Variants in DGKQ observed in about 807,000 individuals in gnomAD.
DGKQ encodes diacylglycerol kinase theta.
DGKQ carries 97 observed loss-of-function variants against 104.2 expected under a neutral mutation model. The observed-to-expected ratio is 0.93, with a 90% CI of 0.79 to 1.10. The LOEUF (loss-of-function observed/expected upper bound fraction) is 1.10. Among genes scored for constraint, DGKQ ranks in the 50% least tolerant of loss-of-function variants. DGKQ has a pLI of 0.00. For synonymous variants in DGKQ, 736 were observed against 595.2 expected (o/e 1.24, Z -3.44); for missense variants, 1,465 against 1,352.1 (o/e 1.08, Z -1.31).
Position 965,241 on chromosome 4 carries a change from T to A in DGKQ, c.1669A>T (p.Met557Leu). Residue 557 changes from methionine (M) to leucine (L), a missense_variant, in exon 15 of 23, where the codon ATG (methionine) becomes TTG (leucine). Coordinates refer to ENST00000273814, the MANE Select transcript of DGKQ (RefSeq NM_001347.4). ...CGCACAGCCATGTCCTTCAGCAGCA[T>A]GTACAGCCGCTCGGCCTCCGCAAAG... The part of the protein sequence containing the change: ...ACFAEAERLY[M>L]LLKDMAVRGR... 1 of 1,612,636 alleles carries A rather than the reference T, an allele frequency of 6.2e-7. No homozygotes were observed. The highest frequency in any genetic ancestry group is 8.5e-7 in the Non-Finnish European group (1 of 1,179,892).
intron 2 of DGKQ, among the ~76,000 whole-genome samples, chr4:970,639 A>G (rs1712853185): frequency 6.6e-6 from 1 of 152,170 alleles, no homozygotes; most frequent in Non-Finnish European, 1.5e-5. Context: ...AGGTCACGCC[A>G]GATGCCGAAA....
At position 965,162 on chromosome 4, in the gene DGKQ, G is replaced by C. The variant is rs369920009; in HGVS notation, c.1734+14C>G. ...CCTGGGGTGTGTGAAGAGCCGGCTT[G>C]ACCGCACACTCACCAGCAGGTCGGG... is the stretch of plus-strand genomic sequence containing the variant. On this transcript the variant is annotated intron_variant, in intron 15 of 22. Coordinates refer to ENST00000273814, the MANE Select transcript of DGKQ (RefSeq NM_001347.4). 17 of 1,609,920 alleles carry C rather than the reference G, an allele frequency of 1.1e-5. No homozygotes were observed. Among genetic ancestry groups the C allele is most frequent in the African/African-American group, 1.3e-5 (1 of 74,868 alleles).
In DGKQ at chr4:967,249, C is replaced by T. The variant is rs771754537; in HGVS notation, c.1100G>A (p.Ser367Asn). ...CDAWAGGKAG[S>N]AVISEEGRSP... ...TCTGCCCTCCTCCGAGATCACAGCA[C>T]TCCCAGCCTTGCCCCCAGCCCAGGC... Residue 367 changes from serine (S) to asparagine (N), a missense_variant, in exon 9 of 23, where the codon AGT becomes AAT. Transcript: ENST00000273814. 19 of 1,564,208 alleles carry T rather than the reference C, an allele frequency of 1.2e-5. No individual in the cohort carries two copies. Among genetic ancestry groups the T allele is most frequent in the Non-Finnish European group, 1.6e-5 (19 of 1,158,510 alleles).
Position 961,843 on chromosome 4 carries a change from C to G in DGKQ, c.2316-9G>C. The G allele has an allele frequency of 1.8e-5, 29 of 1,592,476 alleles. No individual in the cohort carries two copies. Among genetic ancestry groups the G allele is most frequent in the Non-Finnish European group, 2.5e-5 (29 of 1,168,910 alleles). On this transcript the variant is annotated splice_polypyrimidine_tract_variant and intron_variant, in intron 19 of 22. Coordinates refer to ENST00000273814, the MANE Select transcript of DGKQ (RefSeq NM_001347.4). ...CACCCTTGTTGTGCAGCCTGCAGGA[C>G]GGGGCAGGTCACCCATCACCAGGGG...
intron 15 of DGKQ, among the ~76,000 whole-genome samples, chr4:964,292 C>T (rs556661780): frequency 8.2e-4 from 125 of 152,336 alleles, no homozygotes; most frequent in South Asian, 1.7e-3. Context: ...ACAGACAACT[C>T]ATTCTGCTCG....
chr4:967,102 G>C, intron 9 of DGKQ, 27 bp downstream of exon 9: 1 of 1,555,508 alleles, frequency 6.4e-7, no homozygotes, highest in Non-Finnish European at 8.7e-7. Flanking sequence ...CCGCCCAGCA[G>C]ACCCTGAGCC....
chr4:969,182 C>T (rs942334952), intron 2 of DGKQ, among the ~76,000 whole-genome samples: 6 of 152,126 alleles, frequency 3.9e-5, no homozygotes, highest in Non-Finnish European at 5.9e-5. Flanking sequence ...ACCACACCCC[C>T]GGGTCCTGGG....
rs200908351 is a variant in DGKQ, at chr4:965,158, G to A, written c.1734+18C>T. 29 of 1,608,048 alleles carry A rather than the reference G, an allele frequency of 1.8e-5. No homozygotes were observed. In the East Asian group the frequency reaches 2.0e-4, roughly 11 times the overall value. The stretch of plus-strand genomic sequence containing the variant: ...ACCCCCTGGGGTGTGTGAAGAGCCG[G>A]CTTGACCGCACACTCACCAGCAGGT... On this transcript the variant is annotated intron_variant, in intron 15 of 22. Transcript: ENST00000273814.
At chr4:964,149 G>A (rs895440172) in intron 15 of DGKQ, 8 of 154,694 alleles carry the variant, frequency 5.2e-5, no homozygotes, top group African/African-American at 1.7e-4. Context: ...CCCACAGAGC[G>A]AGTGGAGCTG....
Position 966,013 on chromosome 4 carries a change from G to T in DGKQ, c.1494C>A (p.His498Gln). 1.9e-6 allele frequency: 3 copies of T among 1,605,370 alleles called. No homozygotes were observed. Among genetic ancestry groups the T allele is most frequent in the Non-Finnish European group, 2.5e-6 (3 of 1,176,916 alleles). Residue 498 changes from histidine to glutamine, a missense_variant, in exon 13 of 23, where the codon CAC (histidine) becomes CAA (glutamine). Physicochemically the swap from His to Gln is conservative, Grantham distance 24. Coordinates refer to ENST00000273814, the MANE Select transcript of DGKQ (RefSeq NM_001347.4). ...YVAESRDVAP[H>Q]VSLFVGGLPP... ...GCAGGCCGCCAACAAACAGGGAGAC[G>T]TGCGGGGCTACATCCCTGCTCTCTG...
rs866960139 is a variant in DGKQ at position 973,519 on chromosome 4, G to T, written c.-37C>A. The T allele has an allele frequency of 4.2e-4, 416 of 985,894 alleles. 3 individuals are homozygous for T. The African/African-American group carries it at 6.7e-3, about 16-fold the overall frequency. The allele number at this position is 985,894 out of a possible 1,614,324, so 61.1% of individuals were successfully genotyped here. ...GCGGCCCGAGCCCCTTTAGGTCCGC[G>T]CCGGGGGTACAGGAGCCGCCGCTCC... is the stretch of plus-strand genomic sequence containing the variant. On this transcript the variant is annotated 5_prime_UTR_variant, in exon 1 of 23. Coordinates refer to ENST00000273814, the MANE Select transcript of DGKQ (RefSeq NM_001347.4).
rs1713098322 is a variant in DGKQ at position 973,392 on chromosome 4, A to G, written c.91T>C (p.Ser31Pro). The G allele has an allele frequency of 3.7e-6, 4 of 1,068,602 alleles. No homozygotes were observed. The highest frequency in any genetic ancestry group is 4.3e-5 in the South Asian group (1 of 23,134). 66.2% of individuals were successfully genotyped at this position (1,068,602 alleles called of 1,614,324 possible). A position where few individuals can be genotyped will look rare whatever the true frequency, so the allele number is the denominator to read the frequency against. The change falls in exon 1 of 23, where the codon TCA becomes CCA. Residue 31 changes from serine (S) to proline (P), a missense_variant. Transcript: ENST00000273814. ...GGCCCCGGGCGCGCGCGGCCTCCTG[A>G]GCCCAGCACGGGGCTGCAGGCCGGG... ...GSPACSPVLGSGGRARPGPGP... is the reference protein window; with the variant it reads ...GSPACSPVLGPGGRARPGPGP...
Position 971,513 on chromosome 4 carries a change from GTGCTGT to G in DGKQ, c.272-447_272-442del, listed in dbSNP as rs1712931401. Among the ~76,000 whole-genome samples, 4 of 152,306 alleles carry G rather than the reference GTGCTGT, an allele frequency of 2.6e-5. No individual in the cohort carries two copies. The highest frequency in any genetic ancestry group is 2.6e-4 in the Admixed American group (4 of 15,306). On this transcript the variant is annotated intron_variant, in intron 1 of 22. Transcript: ENST00000273814. The surrounding 1 kb of genome is among the most constrained non-coding windows in gnomAD (Gnocchi z 4.0). ...GCATACCCCTAATTGTCCCTGCTAC[GTGCTGT>G]GCACCGTGCCTGAGACCGAGAGCCA...
rs769587311 is a variant in DGKQ at position 960,679 on chromosome 4, C to T, written c.2770G>A (p.Gly924Arg). ...RKAKQKPRRA[G>R]TTRDARADAA... ...TCCGCCCGGGCATCCCTGGTGGTCC[C>T]GGCCCTCCTCGGCTTCTGCTTGGCC... Residue 924 changes from glycine (G) to arginine (R), a missense_variant, in exon 23 of 23, where the codon GGG (glycine) becomes AGG (arginine). Transcript: ENST00000273814. 6.1e-5 allele frequency: 98 copies of T among 1,612,148 alleles called. No homozygotes were observed. In the South Asian group the frequency reaches 7.8e-4, roughly 13 times the overall value.
intron 14 of DGKQ, 75 bp from the exon 15 acceptor site, chr4:965,366 G>A (rs1712225439): frequency 1.9e-6 from 3 of 1,567,260 alleles, no homozygotes; most frequent in African/African-American, 1.4e-5. Flanking sequence ...ACCAAACCAG[G>A]ACGTTTCCCC....
chr4:973,396 C>T lies in DGKQ; in HGVS notation c.87G>A (p.Leu29=). Residue 29 remains leucine (L), a synonymous_variant, in exon 1 of 23, where the codon CTG becomes CTA. Transcript: ENST00000273814. ...CCGGGCGCGCGCGGCCTCCTGAGCC[C>T]AGCACGGGGCTGCAGGCCGGGCTGC... ...RPGSPACSPV[L]GSGGRARPGP... The T allele has an allele frequency of 9.6e-7, 1 of 1,046,012 alleles. No homozygotes were observed. Among genetic ancestry groups the T allele is most frequent in the Non-Finnish European group, 1.1e-6 (1 of 871,268 alleles). The allele number at this position is 1,046,012 out of a possible 1,614,324, so 64.8% of individuals were successfully genotyped here.
rs372309550 is a variant in DGKQ, at chr4:967,728, C to T, written c.886G>A (p.Gly296Arg). The T allele has an allele frequency of 4.3e-6, 7 of 1,611,142 alleles. No homozygotes were observed. Among genetic ancestry groups the T allele is most frequent in the Middle Eastern group, 1.7e-4 (1 of 6,050 alleles). Residue 296 changes from glycine to arginine, a missense_variant and splice_region_variant, in exon 7 of 23, where the codon GGG becomes AGG. Physicochemically the swap from Gly to Arg is moderately radical, Grantham distance 125. Transcript: ENST00000273814. ...GRETQATPES[G>R]KQTLKIFDGD... ...TGGGGGGAATGAGGCGGGCACTTAC[C>T]GGACTCCGGAGTTGCCTGTGTCTCT...
At position 963,184 on chromosome 4, in the gene DGKQ, T is replaced by A; in HGVS notation, c.1841A>T (p.Asn614Ile). 1.2e-6 allele frequency: 2 copies of A among 1,610,864 alleles called. No homozygotes were observed. The highest frequency in any genetic ancestry group is 1.7e-6 in the Non-Finnish European group (2 of 1,178,404). ...DLLCSFRKLL[N>I]PHQVFDLTNG... ...GGTCAGGTCGAAGACCTGATGAGGG[T>A]TCAGTAGCTTCCGGAAGCTGCAGAG... Residue 614 changes from asparagine to isoleucine, a missense_variant, in exon 16 of 23, where the codon AAC becomes ATC. Transcript: ENST00000273814.
In DGKQ at chr4:960,493, C is replaced by A; in HGVS notation, c.*127G>T. 1.2e-6 allele frequency: 1 copy of A among 815,334 alleles called. No homozygotes were observed. Among genetic ancestry groups the A allele is most frequent in the South Asian group, 1.5e-5 (1 of 65,348 alleles). 50.5% of individuals were successfully genotyped at this position (815,334 alleles called of 1,614,324 possible). A position where few individuals can be genotyped will look rare whatever the true frequency, so the allele number is the denominator to read the frequency against. ...TCCGTCACTGGGAAGATGCTGTGGT[C>A]AGGGCTGTAGCCAGGTCCGACCACA... On this transcript the variant is annotated 3_prime_UTR_variant, in exon 23 of 23. Coordinates refer to ENST00000273814, the MANE Select transcript of DGKQ (RefSeq NM_001347.4).
Sources: allele counts gnomAD v4.1 joint callset (sites outside exome capture counted in the v4.1 genomes callset), GRCh38; gene constraint gnomAD v4.1.1; non-coding constraint Gnocchi (gnomAD v3.1); transcripts MANE v1.5; gene names NCBI Gene and HGNC (gene_info 2026-07-23, HGNC 2026-07-21).